ASTN1: variants seen among roughly 807,000 people sequenced by gnomAD.
ASTN1 encodes astrotactin 1.
In ASTN1, 41 loss-of-function variants were observed where a neutral mutation model predicts 140.7. That is an observed-to-expected ratio of 0.29 (90% CI 0.23 to 0.38). ASTN1 has a LOEUF of 0.38. ASTN1 is among the 10% of genes least tolerant of loss of function. ASTN1 has a pLI of 1.00. For synonymous variants in ASTN1, 640 were observed against 652.2 expected, an observed-to-expected ratio of 0.98 and a Z score of 0.29; for missense variants, 1,479 against 1,678.8, an observed-to-expected ratio of 0.88 and a Z score of 2.08.
chr1:176,862,329 C>A lies in ASTN1; in HGVS notation c.*1955G>T, dbSNP rs1667996826. The A allele has an allele frequency of 1.0e-6, 1 of 985,344 alleles. No homozygotes were observed. Among genetic ancestry groups the A allele is most frequent in the South Asian group, 4.7e-5 (1 of 21,296 alleles). 61.0% of individuals were successfully genotyped at this position (985,344 alleles called of 1,614,324 possible). A position where few individuals can be genotyped will look rare whatever the true frequency, so the allele number is the denominator to read the frequency against. ...ACCCTGTGCTTTATCTCAGCCTCAT[C>A]ACAGGCTTCCTTCCCAGTCATGAGG... On this transcript the variant is annotated 3_prime_UTR_variant, in exon 23 of 23. Transcript: ENST00000361833.
At chr1:176,900,129 C>G (rs186406818) in intron 16 of ASTN1, among the ~76,000 whole-genome samples, 37 of 152,212 alleles carry the variant, frequency 2.4e-4, no homozygotes, top group Admixed American at 7.2e-4. Flanking sequence ...GAAAACCAAA[C>G]CATTTGTAAA....
intron 17 of ASTN1, among the ~76,000 whole-genome samples, chr1:176,892,097 G>A (rs2103036011): frequency 6.6e-6 from 1 of 152,282 alleles, no homozygotes; most frequent in African/African-American, 2.4e-5. Flanking sequence ...GTTAAATATT[G>A]GAGTGCAGAG....
In ASTN1 at chr1:176,868,844, C is replaced by A; in HGVS notation, c.3647G>T (p.Arg1216Met). The A allele has an allele frequency of 6.3e-7, 1 of 1,597,338 alleles. No homozygotes were observed. Among genetic ancestry groups the A allele is most frequent in the South Asian group, 1.1e-5 (1 of 87,840 alleles). ...TWRCEDELGP[R>M]KAGLILSQLG... is the part of the protein sequence containing the mutation. ...AGGGTTGACTTAGTTTATTGATTAC[C>A]TGGGACCTAACTCATCCTCACATCG... The change falls in exon 22 of 23, where the codon AGG (arginine) becomes ATG (methionine). Residue 1216 changes from arginine to methionine, a missense_variant and splice_region_variant. Physicochemically the swap from Arg to Met is moderately conservative, Grantham distance 91. This residue lies in a region of ASTN1 where 746 missense variants were observed against 800.9 expected (regional missense o/e 0.93). Coordinates refer to ENST00000361833, the MANE Select transcript of ASTN1 (RefSeq NM_004319.3).
intron 22 of ASTN1, among the ~76,000 whole-genome samples, chr1:176,867,919 T>TTTCCTTCCTTCCTTCCTTCC (rs57237203): frequency 6.6e-5 from 10 of 150,850 alleles, no homozygotes; most frequent in African/African-American, 2.4e-4. Context: ...ATTTTCTTCA[T>TTTCCTTCCTTCCTTCCTTCC]TTCCTTCCTT....
Position 177,009,653 on chromosome 1 carries a change from T to C in ASTN1, c.1523+5138A>G, listed in dbSNP as rs145334641. Among the ~76,000 whole-genome samples the C allele has an allele frequency of 9.2e-5, 14 of 152,274 alleles. No individual in the cohort carries two copies. The East Asian group carries it at 2.7e-3, about 29-fold the overall frequency. On this transcript the variant is annotated intron_variant, in intron 8 of 22. Coordinates refer to ENST00000361833, the MANE Select transcript of ASTN1 (RefSeq NM_004319.3). ...GCAGCATGGGCCATGTATGAGTAAG[T>C]GAATGTGTGTGTGCCTGTGTGCACC...
At chr1:177,099,892 T>C (rs1680217894) in intron 1 of ASTN1, among the ~76,000 whole-genome samples, 1 of 152,208 alleles carries the variant, frequency 6.6e-6, no homozygotes, top group Non-Finnish European at 1.5e-5. Context: ...AAAATTTGAT[T>C]ATATGCATTT....
intron 1 of ASTN1, among the ~76,000 whole-genome samples, chr1:177,071,305 AG>A (rs1487212984): frequency 1.6e-4 from 24 of 152,348 alleles, no homozygotes; most frequent in African/African-American, 5.5e-4. Flanking sequence ...TCAGGCACTT[AG>A]CAAGGCACTC....
intron 18 of ASTN1, among the ~76,000 whole-genome samples, chr1:176,885,760 T>A (rs1571457662): frequency 6.6e-6 from 1 of 152,134 alleles, no homozygotes; most frequent in East Asian, 1.9e-4. Context: ...CACAAGCCCA[T>A]CCCAGTCCCT....
rs527985373 is a variant in ASTN1 at position 176,988,031 on chromosome 1, G to A, written c.1524-22794C>T. On this transcript the variant is annotated intron_variant, in intron 8 of 22. Coordinates refer to ENST00000361833, the MANE Select transcript of ASTN1 (RefSeq NM_004319.3). ...TTTATACAGGTCAAGAATGATGGGAGTTAGAGCAGGCATCAGGGTGGGAAC... is the reference window on the plus strand; with the variant it reads ...TTTATACAGGTCAAGAATGATGGGAATTAGAGCAGGCATCAGGGTGGGAAC... 7.2e-5 allele frequency among the ~76,000 whole-genome samples: 11 copies of A among 152,314 alleles called. No homozygotes were observed. The East Asian group carries it at 1.9e-3, about 27-fold the overall frequency.
chr1:177,049,849 A>C (rs1235311551), intron 2 of ASTN1, among the ~76,000 whole-genome samples: 1 of 152,138 alleles, frequency 6.6e-6, no homozygotes, highest in Admixed American at 6.5e-5. Flanking sequence ...CCGTGGAAAG[A>C]CTGGGGGCCT....
At chr1:177,149,879 G>GTA (rs932392839) in intron 1 of ASTN1, among the ~76,000 whole-genome samples, 8 of 139,880 alleles carry the variant, frequency 5.7e-5, no homozygotes, top group South Asian at 2.2e-4. Flanking sequence ...TATATACAGT[G>GTA]TATATATATA....
intron 8 of ASTN1, among the ~76,000 whole-genome samples, chr1:176,985,798 T>A (rs1006149067): frequency 2.6e-5 from 4 of 151,658 alleles, no homozygotes; most frequent in Non-Finnish European, 5.9e-5. Flanking sequence ...TTTCAAACTG[T>A]CATCTTTAGT....
Position 176,862,393 on chromosome 1 carries a change from C to A in ASTN1, c.*1891G>T. The A allele has an allele frequency of 3.0e-6, 3 of 985,458 alleles. No homozygotes were observed. The highest frequency in any genetic ancestry group is 3.6e-6 in the Non-Finnish European group (3 of 829,984). The allele number at this position is 985,458 out of a possible 1,614,324, so 61.0% of individuals were successfully genotyped here. On this transcript the variant is annotated 3_prime_UTR_variant, in exon 23 of 23. Coordinates refer to ENST00000361833, the MANE Select transcript of ASTN1 (RefSeq NM_004319.3). The stretch of plus-strand genomic sequence containing the variant: ...CCATGTGCAGTGGAACTAGGGGTCC[C>A]AAGGGTGCTCTAGCTCCAAAGGCTA...
rs546439105 is a variant in ASTN1, at chr1:177,021,669, G to T, written c.1438+1735C>A. On this transcript the variant is annotated intron_variant, in intron 7 of 22. Transcript: ENST00000361833. ...TCATTGAGACCCCTCCAAGCCTAAA[G>T]CACCAATCCCTTCTTTTCACATGTA... Among the ~76,000 whole-genome samples, 7 of 152,294 alleles carry T rather than the reference G, an allele frequency of 4.6e-5. No homozygotes were observed. In the South Asian group the frequency reaches 1.4e-3, roughly 32 times the overall value.
intron 15 of ASTN1, among the ~76,000 whole-genome samples, chr1:176,934,903 A>G (rs1450867831): frequency 2.6e-5 from 4 of 152,196 alleles, no homozygotes; most frequent in Non-Finnish European, 5.9e-5. Flanking sequence ...CATGGGCAAT[A>G]AGAAGACAAT....
intron 8 of ASTN1, among the ~76,000 whole-genome samples, chr1:176,980,876 C>A (rs1198397343): frequency 6.6e-6 from 1 of 152,028 alleles, no homozygotes; most frequent in East Asian, 1.9e-4. Flanking sequence ...AATCAGCAAA[C>A]AATTACTGAG....
chr1:177,030,063 T>C (rs1676348379), intron 4 of ASTN1, among the ~76,000 whole-genome samples: 1 of 152,218 alleles, frequency 6.6e-6, no homozygotes, highest in African/African-American at 2.4e-5. Flanking sequence ...TCATTACAGG[T>C]TATGATTCTG....
intron 8 of ASTN1, among the ~76,000 whole-genome samples, chr1:177,000,783 A>G (rs1467096989): frequency 6.6e-6 from 1 of 152,208 alleles, no homozygotes; most frequent in Non-Finnish European, 1.5e-5. Flanking sequence ...TGATGGAATG[A>G]GTTGCCTCTT....
chr1:176,999,808 G>T (rs959294312), intron 8 of ASTN1, among the ~76,000 whole-genome samples: 1 of 152,078 alleles, frequency 6.6e-6, no homozygotes, highest in African/African-American at 2.4e-5. Flanking sequence ...ATGGTTTTAT[G>T]TGTCTGGCAT....
Sources: allele counts gnomAD v4.1 joint callset (sites outside exome capture counted in the v4.1 genomes callset), GRCh38; gene constraint gnomAD v4.1.1; regional missense constraint gnomAD v4.1.1; transcripts MANE v1.5; gene names NCBI Gene and HGNC (gene_info 2026-07-23, HGNC 2026-07-21).